Variants in PRKCH observed in about 807,000 individuals in gnomAD.
PRKCH encodes protein kinase C eta, also known as protein kinase C eta type.
Under a neutral mutation model 82.5 loss-of-function variants are expected in PRKCH, and 28 were observed. The ratio of observed to expected loss-of-function variants is 0.34; its 90% confidence interval spans 0.25 to 0.47. The LOEUF (loss-of-function observed/expected upper bound fraction) is 0.47, where lower values mean the gene tolerates loss of function less well. Ranked by LOEUF, PRKCH falls within the 20% of genes least tolerant of loss-of-function variation. PRKCH has a pLI of 1.00. For synonymous variants in PRKCH, 322 were observed against 327.4 expected, an observed-to-expected ratio of 0.98 and a Z score of 0.18; for missense variants, 705 against 881.8, an observed-to-expected ratio of 0.80 and a Z score of 2.54.
intron 10 of PRKCH, among the ~76,000 whole-genome samples, chr14:61,500,343 G>A (rs1416099481): frequency 4.6e-5 from 7 of 151,686 alleles, no homozygotes; most frequent in Admixed American, 3.9e-4. Flanking sequence ...GACTACAAGT[G>A]TGTACCAGCA....
rs2042921837 is a variant in PRKCH, at chr14:61,522,743, A to ATCTGTCTG, written c.1434-6332_1434-6331insTCTGTCTG. Among the ~76,000 whole-genome samples the ATCTGTCTG allele has an allele frequency of 5.3e-5, 8 of 152,312 alleles. No homozygotes were observed. The South Asian group carries it at 1.7e-3, about 32-fold the overall frequency. On this transcript the variant is annotated intron_variant, in intron 10 of 13. Coordinates refer to ENST00000332981, the MANE Select transcript of PRKCH (RefSeq NM_006255.5). ...GTGATCTGTCTGCTTCTCCCACCAG[A>ATCTGTCTG]CATTAACCCCCTTGTGGGTAGAGAT...
At chr14:61,247,305 C>A (rs572811741) in intron 1 of PRKCH, among the ~76,000 whole-genome samples, 1 of 151,284 alleles carries the variant, frequency 6.6e-6, no homozygotes, top group South Asian at 2.1e-4. Flanking sequence ...ACAACGTATA[C>A]AGATACTTCA....
chr14:61,251,234 TTA>T (rs1848772704), intron 1 of PRKCH, among the ~76,000 whole-genome samples: 1 of 152,204 alleles, frequency 6.6e-6, no homozygotes, highest in African/African-American at 2.4e-5. Context: ...TCTTTTATTT[TTA>T]AATGTACAAT....
chr14:61,330,919 A>G (rs996084308), intron 1 of PRKCH, among the ~76,000 whole-genome samples: 2 of 151,508 alleles, frequency 1.3e-5, no homozygotes, highest in African/African-American at 2.4e-5. Context: ...TGGGTCACAC[A>G]TAAAATACGC....
At chr14:61,391,525 G>A (rs747478524) in intron 2 of PRKCH, among the ~76,000 whole-genome samples, 1 of 152,168 alleles carries the variant, frequency 6.6e-6, no homozygotes, top group Non-Finnish European at 1.5e-5. Context: ...CACTCAATGA[G>A]TTTTTGTTTT....
chr14:61,243,220 C>A (rs527465141), intron 1 of PRKCH, among the ~76,000 whole-genome samples: 4 of 151,606 alleles, frequency 2.6e-5, no homozygotes, highest in East Asian at 3.9e-4. Context: ...TATAGCAAAA[C>A]CCCATCTCTA....
Position 61,321,961 on chromosome 14 carries a change from G to C in PRKCH, c.-141G>C. On this transcript the variant is annotated 5_prime_UTR_variant, in exon 1 of 14. Transcript: ENST00000332981. The surrounding 1 kb of genome is among the most constrained non-coding windows in gnomAD (Gnocchi z 4.1). ...TCCCACGGAGGAGGCAGAATGGCCAGTCGAGGGGCGCTTAGGCGCTGCCTT... is the reference window on the plus strand; with the variant it reads ...TCCCACGGAGGAGGCAGAATGGCCACTCGAGGGGCGCTTAGGCGCTGCCTT... 1 of 897,670 alleles carries C rather than the reference G, an allele frequency of 1.1e-6. No individual in the cohort carries two copies. Among genetic ancestry groups the C allele is most frequent in the Non-Finnish European group, 1.6e-6 (1 of 610,462 alleles). 55.6% of individuals were successfully genotyped at this position (897,670 alleles called of 1,614,324 possible). A position where few individuals can be genotyped will look rare whatever the true frequency, so the allele number is the denominator to read the frequency against.
At chr14:61,227,370 G>A (rs2044704973) in intron 1 of PRKCH, among the ~76,000 whole-genome samples, 1 of 152,172 alleles carries the variant, frequency 6.6e-6, no homozygotes, top group African/African-American at 2.4e-5. Context: ...CAAGGCAGGG[G>A]ATCACGAGGT....
chr14:61,446,145 C>G (rs1185836653), intron 4 of PRKCH, among the ~76,000 whole-genome samples: 1 of 137,676 alleles, frequency 7.3e-6, no homozygotes, highest in Non-Finnish European at 1.6e-5. Flanking sequence ...AGCTATTATC[C>G]AAGTTGTTTT....
intron 9 of PRKCH, among the ~76,000 whole-genome samples, chr14:61,468,477 T>A (rs1566899617): frequency 6.6e-6 from 1 of 152,220 alleles, no homozygotes; most frequent in Non-Finnish European, 1.5e-5. Flanking sequence ...CTCCAGGATC[T>A]GGATTTTTGG....
chr14:61,367,155 A>C (rs1481021397), intron 1 of PRKCH, among the ~76,000 whole-genome samples: 2 of 152,026 alleles, frequency 1.3e-5, no homozygotes, highest in Admixed American at 1.3e-4. Flanking sequence ...TTAAAGAACA[A>C]TAGGAAAAGT....
chr14:61,266,846 C>T (rs896524335), intron 1 of PRKCH, among the ~76,000 whole-genome samples: 3 of 152,040 alleles, frequency 2.0e-5, no homozygotes, highest in Admixed American at 6.6e-5. Context: ...TTTGCTGAAA[C>T]GGCGCCTAGG....
chr14:61,259,724 C>A (rs2045030077), intron 1 of PRKCH, among the ~76,000 whole-genome samples: 1 of 152,140 alleles, frequency 6.6e-6, no homozygotes, highest in Non-Finnish European at 1.5e-5. Context: ...TATAACAAAG[C>A]ATTTTTTTTT....
chr14:61,508,541 C>T (rs895893220), intron 10 of PRKCH, among the ~76,000 whole-genome samples: 5 of 152,074 alleles, frequency 3.3e-5, no homozygotes, highest in Non-Finnish European at 5.9e-5. Flanking sequence ...AATTTGAAAG[C>T]GCTTCCTTTT....
chr14:61,311,981 A>G (rs2045528756), intron 1 of PRKCH, among the ~76,000 whole-genome samples: 1 of 152,230 alleles, frequency 6.6e-6, no homozygotes, highest in South Asian at 2.1e-4. Flanking sequence ...TGTGAGAGAA[A>G]CTGCCCCTAT....
At chr14:61,391,145 C>T in intron 1 of PRKCH, 80 bp from the exon 2 acceptor site, 1 of 1,162,014 alleles carries the variant, frequency 8.6e-7, no homozygotes, top group Non-Finnish European at 1.2e-6. Flanking sequence ...CACATTAGGC[C>T]TCTCTGTGAT....
chr14:61,383,929 A>G (rs2046548819), intron 1 of PRKCH, among the ~76,000 whole-genome samples: 1 of 152,340 alleles, frequency 6.6e-6, no homozygotes, highest in Non-Finnish European at 1.5e-5. Context: ...GGGGAGCCCA[A>G]GTGGTCCTGA....
At chr14:61,465,589 G>C (rs994276824) in intron 9 of PRKCH, among the ~76,000 whole-genome samples, 2 of 152,138 alleles carry the variant, frequency 1.3e-5, no homozygotes, top group South Asian at 2.1e-4. Flanking sequence ...CTATATATCT[G>C]TTTTTATGCC....
chr14:61,499,079 T>C (rs138369175), intron 10 of PRKCH, among the ~76,000 whole-genome samples: 1 of 152,240 alleles, frequency 6.6e-6, no homozygotes, highest in African/African-American at 2.4e-5. Context: ...CATTAAGCCA[T>C]GCATGTTAGG....
Sources: allele counts gnomAD v4.1 joint callset (sites outside exome capture counted in the v4.1 genomes callset), GRCh38; gene constraint gnomAD v4.1.1; non-coding constraint Gnocchi (gnomAD v3.1); transcripts MANE v1.5; gene names NCBI Gene and HGNC (gene_info 2026-07-23, HGNC 2026-07-21).